The following PIK3AP1 variants were observed in gnomAD, a reference collection of about 807,000 sequenced individuals.
The protein encoded by PIK3AP1 is phosphoinositide-3-kinase adaptor protein 1, also known as phosphoinositide 3-kinase adapter protein 1.
In PIK3AP1, 21 loss-of-function variants were observed where a neutral mutation model predicts 88.1. That is an observed-to-expected ratio of 0.24 (90% confidence interval 0.17 to 0.34). PIK3AP1 has a LOEUF of 0.34. PIK3AP1 is among the 10% of genes least tolerant of loss of function. The probability of loss-of-function intolerance (pLI) is 1.00; values close to 1 mark genes in which losing one functional copy is unlikely to be tolerated. For synonymous variants in PIK3AP1, 398 were observed against 400.0 expected, an observed-to-expected ratio of 1.00 and a Z score of 0.06; for missense variants, 828 against 1,035.7, an observed-to-expected ratio of 0.80 and a Z score of 2.75.
intron 16 of PIK3AP1, among the ~76,000 whole-genome samples, chr10:96,596,974 A>T (rs1310597090): frequency 6.6e-6 from 1 of 152,204 alleles, no homozygotes. Context: ...ATGACAACTG[A>T]GTTGGGAAAA....
chr10:96,683,276 T>G (rs575198220), intron 2 of PIK3AP1, among the ~76,000 whole-genome samples: 2 of 152,344 alleles, frequency 1.3e-5, no homozygotes, highest in East Asian at 3.9e-4. Flanking sequence ...ATTGCTAAAG[T>G]GGCTTAAGAC....
At chr10:96,657,019 G>C in intron 2 of PIK3AP1, 85 bp from the exon 3 acceptor site, 79 of 1,411,214 alleles carry the variant, frequency 5.6e-5, no homozygotes, top group East Asian at 1.9e-4. Flanking sequence ...CCCAAATATT[G>C]CAAAATAGGA....
intron 8 of PIK3AP1, among the ~76,000 whole-genome samples, chr10:96,630,045 A>AAGTAAT (rs1367094255): frequency 6.6e-6 from 1 of 152,072 alleles, no homozygotes. Context: ...AGATGGGGAT[A>AAGTAAT]AGTAATACAG....
chr10:96,652,964 T>C (rs932386510), intron 3 of PIK3AP1, 122 bp from the exon 4 acceptor site: 7 of 1,133,136 alleles, frequency 6.2e-6, no homozygotes, highest in Non-Finnish European at 7.5e-6. Flanking sequence ...GGGGACAGGG[T>C]GGACTCAGTG....
rs370741297 is a variant in PIK3AP1 at position 96,601,425 on chromosome 10, G to A, written c.2360+855C>T. 1.1e-4 allele frequency among the ~76,000 whole-genome samples: 13 copies of A among 118,346 alleles called. 1 individual carries two copies. The East Asian group carries it at 1.1e-3, about 10-fold the overall frequency. 77.6% of individuals were successfully genotyped at this position (118,346 alleles called of 152,430 possible). On this transcript the variant is annotated intron_variant, in intron 16 of 16. Transcript: ENST00000339364. ...GGAGGCGGAGGTTGCAGTGAGCCGAGATCACACCACTGCACTCCAGCCTGG... is the reference window on the plus strand; with the variant it reads ...GGAGGCGGAGGTTGCAGTGAGCCGAAATCACACCACTGCACTCCAGCCTGG...
At chr10:96,689,090 G>T (rs7895196) in intron 2 of PIK3AP1, among the ~76,000 whole-genome samples, 72,668 of 151,838 alleles carry the variant, frequency 0.48, 17,533 homozygotes, top group Middle Eastern at 0.63. Context: ...GATGTTGAAG[G>T]TTCTTCTTCC....
intron 2 of PIK3AP1, 60 bp downstream of exon 2, chr10:96,709,507 A>C: frequency 6.6e-7 from 1 of 1,519,542 alleles, no homozygotes; most frequent in Non-Finnish European, 8.9e-7. Flanking sequence ...ATAAACTTAC[A>C]CCTAGGACCT....
At chr10:96,675,623 T>C (rs1434681732) in intron 2 of PIK3AP1, among the ~76,000 whole-genome samples, 2 of 152,172 alleles carry the variant, frequency 1.3e-5, no homozygotes, top group Non-Finnish European at 2.9e-5. Flanking sequence ...TGTAAATGAA[T>C]TGAGTCCCTG....
At chr10:96,705,427 G>A (rs559798221) in intron 2 of PIK3AP1, among the ~76,000 whole-genome samples, 7 of 151,982 alleles carry the variant, frequency 4.6e-5, no homozygotes, top group Non-Finnish European at 7.4e-5. Flanking sequence ...CACCTTCAAA[G>A]GCAACCCATT....
chr10:96,595,911 A>T (rs1489744591), intron 16 of PIK3AP1, among the ~76,000 whole-genome samples: 3 of 152,162 alleles, frequency 2.0e-5, no homozygotes, highest in African/African-American at 7.2e-5. Context: ...GACTCAAGCC[A>T]CAAAGCTTTT....
At chr10:96,632,858 T>C in intron 8 of PIK3AP1, 1 of 1,608,728 alleles carries the variant, frequency 6.2e-7, no homozygotes, top group Non-Finnish European at 8.5e-7. Context: ...CAACCAGTAT[T>C]TTTAGGTTCA....
intron 2 of PIK3AP1, among the ~76,000 whole-genome samples, chr10:96,707,730 T>G (rs192772906): frequency 6.6e-6 from 1 of 152,312 alleles, no homozygotes; most frequent in Admixed American, 6.5e-5. Context: ...CATAAGATCA[T>G]CCACAGAAAC....
intron 13 of PIK3AP1, among the ~76,000 whole-genome samples, chr10:96,612,296 G>A (rs1331372617): frequency 1.3e-5 from 2 of 152,076 alleles, no homozygotes; most frequent in African/African-American, 4.8e-5. Context: ...CGCCATCAAC[G>A]CTCTGTACCA....
At chr10:96,717,247 G>T (rs1236955628) in intron 1 of PIK3AP1, among the ~76,000 whole-genome samples, 1 of 129,178 alleles carries the variant, frequency 7.7e-6, no homozygotes. Flanking sequence ...GACAGAGTGA[G>T]ACTCCGTCTC....
intron 13 of PIK3AP1, among the ~76,000 whole-genome samples, chr10:96,610,727 T>C (rs1242541428): frequency 1.3e-5 from 2 of 152,158 alleles, no homozygotes; most frequent in Admixed American, 6.5e-5. Flanking sequence ...AGAGGTTGTC[T>C]CTGTTCCTCC....
At chr10:96,710,122 C>T in intron 1 of PIK3AP1, 139 bp from the exon 2 acceptor site, 1 of 711,046 alleles carries the variant, frequency 1.4e-6, no homozygotes, top group Non-Finnish European at 2.3e-6. Context: ...CACACCAGCA[C>T]ACCTCACTCA....
intron 2 of PIK3AP1, among the ~76,000 whole-genome samples, chr10:96,689,329 C>T (rs1844119444): frequency 6.6e-6 from 1 of 151,782 alleles, no homozygotes; most frequent in Admixed American, 6.6e-5. Flanking sequence ...CTTTGGGAGG[C>T]CGAGGCAGGC....
At chr10:96,598,051 T>G (rs1417456701) in intron 16 of PIK3AP1, among the ~76,000 whole-genome samples, 1 of 149,846 alleles carries the variant, frequency 6.7e-6, no homozygotes, top group Non-Finnish European at 1.5e-5. Context: ...GTTGTTTTTT[T>G]TTTTTTTTTT....
rs1554963262 is a variant in PIK3AP1 at position 96,709,147 on chromosome 10, A to AAC, written c.430+419_430+420insGT. ...ACTCCGACTCAAAAAAAAAAAAAAA[A>AAC]AAACCCTTTTTTAACAAAAATGTGA... is the stretch of plus-strand genomic sequence containing the variant. On this transcript the variant is annotated intron_variant, in intron 2 of 16. Transcript: ENST00000339364. Among the ~76,000 whole-genome samples the AAC allele has an allele frequency of 2.6e-5, 4 of 151,700 alleles. No individual in the cohort carries two copies. In the South Asian group the frequency reaches 8.5e-4, roughly 32 times the overall value.
Sources: gnomAD v4.1 joint callset for allele counts (sites outside exome capture counted in the v4.1 genomes callset) on GRCh38, gnomAD v4.1.1 for gene constraint, MANE v1.5 for transcripts, NCBI Gene and HGNC (gene_info 2026-07-23, HGNC 2026-07-21) for gene names.